The following CCSER1 variants were observed in gnomAD, a reference collection of about 807,000 sequenced individuals.
CCSER1 encodes the protein serine-rich coiled-coil domain-containing protein 1.
A neutral mutation model predicts 82.0 loss-of-function variants in CCSER1; 41 were observed. The observed-to-expected ratio is 0.50, with a 90% CI of 0.39 to 0.65. The LOEUF (loss-of-function observed/expected upper bound fraction) is 0.65, where lower values mean the gene tolerates loss of function less well. Among genes scored for constraint, CCSER1 ranks in the 30% least tolerant of loss-of-function variants. The pLI is 0.00. For synonymous variants in CCSER1, 414 were observed against 383.9 expected, an observed-to-expected ratio of 1.08 and a Z score of -0.92; for missense variants, 1,119 against 1,064.2, an observed-to-expected ratio of 1.05 and a Z score of -0.72.
chr4:90,685,774 G>A (rs79944455), intron 6 of CCSER1, among the ~76,000 whole-genome samples: 226 of 152,248 alleles, frequency 1.5e-3, no homozygotes, highest in Non-Finnish European at 2.5e-3. Flanking sequence ...ATCAAACCGC[G>A]ATACTGATTT....
At chr4:90,175,537 C>T (rs558519683) in intron 1 of CCSER1, among the ~76,000 whole-genome samples, 2 of 152,012 alleles carry the variant, frequency 1.3e-5, no homozygotes, top group East Asian at 1.9e-4. Flanking sequence ...ACTTTTTGAG[C>T]GCCGATCTGA....
intron 10 of CCSER1, among the ~76,000 whole-genome samples, chr4:91,146,375 A>C (rs1358511321): frequency 6.6e-6 from 1 of 152,000 alleles, no homozygotes; most frequent in Non-Finnish European, 1.5e-5. Flanking sequence ...ATTCTCTTGA[A>C]TCTTGTTGAT....
At chr4:91,207,284 T>C (rs1736425867) in intron 10 of CCSER1, among the ~76,000 whole-genome samples, 1 of 151,808 alleles carries the variant, frequency 6.6e-6, no homozygotes. Context: ...GGACTTGGTG[T>C]ACGAATTATT....
chr4:90,894,814 TTACTA>T (rs1444361329), intron 8 of CCSER1, among the ~76,000 whole-genome samples: 4 of 152,038 alleles, frequency 2.6e-5, no homozygotes, highest in African/African-American at 9.7e-5. Context: ...GCTTAGCTTT[TTACTA>T]TATGAGTGAT....
chr4:91,257,915 G>T (rs28628384), intron 10 of CCSER1, among the ~76,000 whole-genome samples: 10 of 151,910 alleles, frequency 6.6e-5, no homozygotes, highest in South Asian at 4.1e-4. Flanking sequence ...AATATTTGTG[G>T]GAAGAAAAGA....
At chr4:90,605,227 A>T (rs1274767869) in intron 5 of CCSER1, among the ~76,000 whole-genome samples, 1 of 152,198 alleles carries the variant, frequency 6.6e-6, no homozygotes, top group East Asian at 1.9e-4. Context: ...TAAGAACGGT[A>T]ACAGTCACCA....
intron 9 of CCSER1, among the ~76,000 whole-genome samples, chr4:91,070,443 G>A (rs1721310682): frequency 6.6e-6 from 1 of 152,106 alleles, no homozygotes; most frequent in South Asian, 2.1e-4. Context: ...ATAGAATGGG[G>A]ACACTGTCCT....
intron 10 of CCSER1, among the ~76,000 whole-genome samples, chr4:91,422,039 C>T (rs1305999127): frequency 6.6e-6 from 1 of 152,104 alleles, no homozygotes; most frequent in Non-Finnish European, 1.5e-5. Context: ...ATTTTGTTAA[C>T]AACCTGCAAG....
chr4:90,527,490 T>C (rs1773939438), intron 5 of CCSER1, among the ~76,000 whole-genome samples: 1 of 152,152 alleles, frequency 6.6e-6, no homozygotes. Flanking sequence ...AGTGCACCTC[T>C]GATATAATAA....
At chr4:90,430,771 T>G (rs1758160666) in intron 4 of CCSER1, among the ~76,000 whole-genome samples, 1 of 151,928 alleles carries the variant, frequency 6.6e-6, no homozygotes, top group Admixed American at 6.6e-5. Context: ...AGATTGCAAG[T>G]AGAAATAACA....
At chr4:90,348,976 G>A (rs7676688) in intron 3 of CCSER1, among the ~76,000 whole-genome samples, 2,541 of 152,144 alleles carry the variant, frequency 0.017, 47 homozygotes, top group African/African-American at 0.044. Context: ...GGCTAGCACT[G>A]TATCTGATGT....
chr4:90,890,426 A>G (rs774676757), intron 8 of CCSER1, among the ~76,000 whole-genome samples: 6 of 152,168 alleles, frequency 3.9e-5, no homozygotes, highest in Non-Finnish European at 5.9e-5. Flanking sequence ...GTGTGTGCAC[A>G]TGTGCTCCAG....
At chr4:90,653,766 T>C (rs2149058705) in intron 6 of CCSER1, among the ~76,000 whole-genome samples, 1 of 152,266 alleles carries the variant, frequency 6.6e-6, no homozygotes, top group South Asian at 2.1e-4. Context: ...CAAAAACGCA[T>C]TAGTTAATTT....
chr4:90,468,194 A>C (rs1361559199), intron 4 of CCSER1, 40 bp from the exon 5 acceptor site: 2 of 1,557,670 alleles, frequency 1.3e-6, no homozygotes, highest in South Asian at 1.3e-5. Flanking sequence ...TAGTTCATAA[A>C]TAATTTTGAC....
At chr4:91,293,869 A>G (rs1345129522) in intron 10 of CCSER1, among the ~76,000 whole-genome samples, 1 of 151,936 alleles carries the variant, frequency 6.6e-6, no homozygotes, top group African/African-American at 2.4e-5. Flanking sequence ...AAATTACATT[A>G]TATTTGTTTG....
intron 7 of CCSER1, among the ~76,000 whole-genome samples, chr4:90,748,968 T>G (rs2149474445): frequency 6.7e-6 from 1 of 150,190 alleles, no homozygotes; most frequent in South Asian, 2.1e-4. Context: ...TTGCGAAAAT[T>G]TTCTCCCATT....
chr4:91,541,033 C>A (rs1476968116), intron 10 of CCSER1, among the ~76,000 whole-genome samples: 1 of 152,030 alleles, frequency 6.6e-6, no homozygotes, highest in East Asian at 1.9e-4. Context: ...GTATATTTCA[C>A]CTTACTATAT....
intron 10 of CCSER1, among the ~76,000 whole-genome samples, chr4:91,517,339 G>T (rs1760183108): frequency 6.6e-6 from 1 of 152,072 alleles, no homozygotes; most frequent in African/African-American, 2.4e-5. Context: ...GGTTTTAAAA[G>T]ATAACTCTTT....
chr4:90,360,420 C>T lies in CCSER1; in HGVS notation c.1510-39616C>T, dbSNP rs1745169317. On this transcript the variant is annotated intron_variant, in intron 3 of 10. Coordinates refer to ENST00000509176, the MANE Select transcript of CCSER1 (RefSeq NM_001145065.2). ...TGGTGGGTGCCTGTAGTCCCAGCTA[C>T]TCGGGAGGCTGCTCGGGAGGCTGAG... is the stretch of plus-strand genomic sequence containing the variant. 2.0e-5 allele frequency among the ~76,000 whole-genome samples: 3 copies of T among 150,056 alleles called. No homozygotes were observed. The South Asian group carries it at 6.3e-4, about 32-fold the overall frequency.
Sources: gnomAD v4.1 joint callset for allele counts (sites outside exome capture counted in the v4.1 genomes callset) on GRCh38, gnomAD v4.1.1 for gene constraint, MANE v1.5 for transcripts, NCBI Gene and HGNC (gene_info 2026-07-23, HGNC 2026-07-21) for gene names.